ABCG2: variants seen among roughly 807,000 people sequenced by gnomAD.
ABCG2 encodes broad substrate specificity ATP-binding cassette transporter ABCG2.
In ABCG2, 80 loss-of-function variants were observed where a neutral mutation model predicts 73.5. That is an observed-to-expected ratio of 1.09 (90% CI 0.91 to 1.31). ABCG2 has a LOEUF of 1.31. Among genes scored for constraint, ABCG2 ranks in the 50% most tolerant of loss-of-function variants. The probability of loss-of-function intolerance (pLI) is 0.00; values close to 1 mark genes in which losing one functional copy is unlikely to be tolerated. For synonymous variants in ABCG2, 269 were observed against 282.4 expected (o/e 0.95, Z 0.48); for missense variants, 796 against 786.2 (o/e 1.01, Z -0.15).
intron 10 of ABCG2, among the ~76,000 whole-genome samples, chr4:88,104,752 C>G (rs943683224): frequency 6.6e-6 from 1 of 151,932 alleles, no homozygotes; most frequent in Non-Finnish European, 1.5e-5. Context: ...TGCACTACTG[C>G]ACACCAGCCT....
chr4:88,101,151 C>T (rs1722378897), intron 11 of ABCG2, 79 bp downstream of exon 11: 1 of 1,243,820 alleles, frequency 8.0e-7, no homozygotes, highest in South Asian at 1.3e-5. Context: ...CATCCTTGGC[C>T]CCAACCCCAG....
At chr4:88,216,676 TC>T (rs1729824998) in intron 1 of ABCG2, among the ~76,000 whole-genome samples, 1 of 152,182 alleles carries the variant, frequency 6.6e-6, no homozygotes, top group South Asian at 2.1e-4. Context: ...TGTGAACTTT[TC>T]CCAACATGAA....
upstream of ABCG2, among the ~76,000 whole-genome samples, chr4:88,164,265 C>A (rs964491989): frequency 1.3e-5 from 2 of 152,108 alleles, no homozygotes; most frequent in Non-Finnish European, 2.9e-5. Context: ...AGGGTTTTGC[C>A]ATGTTGGCCA....
chr4:88,116,126 T>C (rs57892861), intron 7 of ABCG2, among the ~76,000 whole-genome samples: 14,775 of 152,064 alleles, frequency 0.097, 1,758 homozygotes, highest in African/African-American at 0.29. Context: ...ACCTGGGAGG[T>C]GGAGGTTGCA....
At chr4:88,170,575 C>A (rs892872367) in intron 1 of ABCG2, among the ~76,000 whole-genome samples, 1 of 152,220 alleles carries the variant, frequency 6.6e-6, no homozygotes, top group Non-Finnish European at 1.5e-5. Context: ...GGCAAGCCCA[C>A]GCCACCTGGC....
chr4:88,110,238 T>C (rs1272958946), intron 9 of ABCG2, among the ~76,000 whole-genome samples: 1 of 151,404 alleles, frequency 6.6e-6, no homozygotes, highest in Admixed American at 6.6e-5. Context: ...GAAAGTTACC[T>C]TTTTTTTTAA....
intron 1 of ABCG2, among the ~76,000 whole-genome samples, chr4:88,171,854 T>C (rs1260615803): frequency 2.6e-5 from 4 of 152,144 alleles, no homozygotes; most frequent in African/African-American, 4.8e-5. Context: ...CATGATGGCA[T>C]GTGCCTGTAA....
At chr4:88,154,544 T>C (rs1301849786) in intron 1 of ABCG2, among the ~76,000 whole-genome samples, 1 of 152,174 alleles carries the variant, frequency 6.6e-6, no homozygotes, top group African/African-American at 2.4e-5. Context: ...CTGCCTTTGC[T>C]GGTGAGTGGC....
intron 1 of ABCG2, among the ~76,000 whole-genome samples, chr4:88,176,154 C>CTCG (rs1335004081): frequency 1.4e-4 from 17 of 125,852 alleles, no homozygotes; most frequent in African/African-American, 3.1e-4. Context: ...TATGATTATT[C>CTCG]TTGTTTTTTT....
At chr4:88,165,148 T>C (rs1031490515) in intron 1 of ABCG2, among the ~76,000 whole-genome samples, 1 of 152,180 alleles carries the variant, frequency 6.6e-6, no homozygotes, top group African/African-American at 2.4e-5. Context: ...CTCTCTGAAG[T>C]TGATGGATGT....
At chr4:88,093,503 CAAAAA>C (rs10533191) in intron 15 of ABCG2, among the ~76,000 whole-genome samples, 7 of 105,004 alleles carry the variant, frequency 6.7e-5, no homozygotes, top group Admixed American at 2.1e-4. Context: ...GACTCCATTT[CAAAAA>C]AAAAAAAAAA....
intron 1 of ABCG2, among the ~76,000 whole-genome samples, chr4:88,203,596 A>C (rs921858699): frequency 6.6e-6 from 1 of 152,022 alleles, no homozygotes; most frequent in Non-Finnish European, 1.5e-5. Flanking sequence ...CCTACTAAAA[A>C]TACAAAAATT....
chr4:88,137,021 A>AAAATG (rs1341107397), intron 2 of ABCG2, among the ~76,000 whole-genome samples: 1 of 111,872 alleles, frequency 8.9e-6, no homozygotes, highest in Non-Finnish European at 1.6e-5. Flanking sequence ...TCAATAAAAT[A>AAAATG]AAATAAAATA....
chr4:88,156,093 G>A (rs1314924046), intron 1 of ABCG2, among the ~76,000 whole-genome samples: 3 of 151,750 alleles, frequency 2.0e-5, no homozygotes, highest in African/African-American at 7.3e-5. Context: ...AAGAAAAAGA[G>A]TCCGGGCATG....
intron 1 of ABCG2, among the ~76,000 whole-genome samples, chr4:88,181,398 CAAAA>C (rs57417105): frequency 1.8e-4 from 17 of 96,890 alleles, no homozygotes; most frequent in African/African-American, 3.9e-4. Flanking sequence ...GACTCCATCT[CAAAA>C]AAAAAAAAAA....
At chr4:88,097,387 G>GA in intron 13 of ABCG2, 66 bp downstream of exon 13, 1 of 1,569,790 alleles carries the variant, frequency 6.4e-7, no homozygotes, top group Non-Finnish European at 8.7e-7. Flanking sequence ...CATGACAAGT[G>GA]AATGTGCAGG....
At chr4:88,171,231 T>C (rs1049165100) in intron 1 of ABCG2, among the ~76,000 whole-genome samples, 1 of 140,342 alleles carries the variant, frequency 7.1e-6, no homozygotes, top group Non-Finnish European at 1.5e-5. Flanking sequence ...AGTTTACCTA[T>C]ACAACAAACC....
chr4:88,147,025 GA>G (rs1313744770), intron 1 of ABCG2, among the ~76,000 whole-genome samples: 2 of 136,104 alleles, frequency 1.5e-5, no homozygotes, highest in Non-Finnish European at 3.2e-5. Context: ...AGGAAAGAAA[GA>G]AAGAAAGAAA....
chr4:88,128,316 T>G (rs879829600), intron 5 of ABCG2, among the ~76,000 whole-genome samples: 1 of 152,200 alleles, frequency 6.6e-6, no homozygotes, highest in Non-Finnish European at 1.5e-5. Flanking sequence ...GCTTTTACAC[T>G]GTTGATGGGA....
Sources: allele counts gnomAD v4.1 joint callset (sites outside exome capture counted in the v4.1 genomes callset), GRCh38; gene constraint gnomAD v4.1.1; transcripts MANE v1.5; gene names NCBI Gene and HGNC (gene_info 2026-07-23, HGNC 2026-07-21).